ATAD2B: variants seen among roughly 807,000 people sequenced by gnomAD.
ATAD2B encodes the protein ATPase family AAA domain-containing protein 2B.
A neutral mutation model predicts 167.6 loss-of-function variants in ATAD2B; 40 were observed. That is an observed-to-expected ratio of 0.24 (90% CI 0.19 to 0.31). The LOEUF is 0.31. Ranked by LOEUF, ATAD2B falls within the 10% of genes least tolerant of loss-of-function variation. The pLI is 1.00. For synonymous variants in ATAD2B, 579 were observed against 596.5 expected, an observed-to-expected ratio of 0.97 and a Z score of 0.43; for missense variants, 1,242 against 1,757.2, an observed-to-expected ratio of 0.71 and a Z score of 5.24.
chr2:23,724,825 C>T, the ATAD2B span, among the ~76,000 whole-genome samples: 19 of 152,134 alleles, frequency 1.2e-4, 1 homozygote, highest in South Asian at 6.2e-4. Flanking sequence ...GGGCGGATCA[C>T]GAGGTCAGGA....
chr2:23,878,296 G>C (rs1397755832), intron 7 of ATAD2B, among the ~76,000 whole-genome samples: 2 of 151,778 alleles, frequency 1.3e-5, no homozygotes, highest in Non-Finnish European at 2.9e-5. Context: ...AGGAGGCGGA[G>C]GCTGCAGTGA....
chr2:23,731,041 G>C, the ATAD2B span, among the ~76,000 whole-genome samples: 1 of 151,162 alleles, frequency 6.6e-6, no homozygotes, highest in Non-Finnish European at 1.5e-5. Context: ...TGTGTCAATA[G>C]GACTCGGGGC....
intron 1 of ATAD2B, among the ~76,000 whole-genome samples, chr2:23,918,061 A>G (rs781033978): frequency 1.4e-4 from 21 of 151,976 alleles, no homozygotes; most frequent in Non-Finnish European, 2.4e-4. Context: ...AAAAAGAAAA[A>G]AAGAAAAGAA....
intron 1 of ATAD2B, among the ~76,000 whole-genome samples, chr2:23,900,505 C>T (rs984793260): frequency 6.6e-6 from 1 of 152,192 alleles, no homozygotes; most frequent in African/African-American, 2.4e-5. Flanking sequence ...TGTGAACCAA[C>T]AACATGGGCA....
intron 7 of ATAD2B, among the ~76,000 whole-genome samples, chr2:23,878,832 TAAG>T (rs1558716437): frequency 6.6e-6 from 1 of 151,954 alleles, no homozygotes; most frequent in African/African-American, 2.4e-5. Flanking sequence ...AACTCAATAA[TAAG>T]AAAACAAACA....
chr2:23,741,045 A>G, the ATAD2B span, among the ~76,000 whole-genome samples: 1 of 152,192 alleles, frequency 6.6e-6, no homozygotes, highest in Non-Finnish European at 1.5e-5. Flanking sequence ...GCTCAATGAA[A>G]TAAAAGAGGA....
At chr2:23,855,517 T>C (rs993063129) in intron 13 of ATAD2B, among the ~76,000 whole-genome samples, 2 of 152,166 alleles carry the variant, frequency 1.3e-5, no homozygotes, top group African/African-American at 4.8e-5. Context: ...TAAAACCACT[T>C]TGGAAAACAG....
intron 22 of ATAD2B, among the ~76,000 whole-genome samples, chr2:23,771,359 T>A (rs1678295306): frequency 6.6e-6 from 1 of 152,224 alleles, no homozygotes; most frequent in African/African-American, 2.4e-5. Flanking sequence ...AGAGCAGACA[T>A]CCTGGTCATG....
chr2:23,896,184 G>A (rs1280548191), intron 1 of ATAD2B, among the ~76,000 whole-genome samples: 1 of 151,574 alleles, frequency 6.6e-6, no homozygotes, highest in Non-Finnish European at 1.5e-5. Context: ...AGCTGGGTGT[G>A]GTGGCAGGCA....
intron 8 of ATAD2B, among the ~76,000 whole-genome samples, chr2:23,873,900 G>C: frequency 6.6e-6 from 1 of 152,162 alleles, no homozygotes; most frequent in East Asian, 1.9e-4. Flanking sequence ...CAAAATCCTA[G>C]TTGGGGCTGG....
chr2:23,816,586 T>C (rs1400257036), intron 17 of ATAD2B, among the ~76,000 whole-genome samples: 1 of 152,178 alleles, frequency 6.6e-6, no homozygotes, highest in Non-Finnish European at 1.5e-5. Context: ...ACATTATACA[T>C]GCATAGAGAG....
intron 10 of ATAD2B, chr2:23,866,019 G>C (rs1435029302): frequency 3.4e-6 from 2 of 591,150 alleles, no homozygotes; most frequent in Non-Finnish European, 4.3e-6. Flanking sequence ...TAGAAAAAGT[G>C]AAAGTAAACT....
intron 13 of ATAD2B, among the ~76,000 whole-genome samples, chr2:23,847,151 A>G (rs1323968000): frequency 1.5e-5 from 2 of 133,990 alleles, no homozygotes; most frequent in African/African-American, 5.7e-5. Context: ...CGGGCATATC[A>G]CTTGAGCCCA....
chr2:23,753,327 C>G (rs1675574522), intron 27 of ATAD2B, among the ~76,000 whole-genome samples: 2 of 152,086 alleles, frequency 1.3e-5, no homozygotes, highest in African/African-American at 2.4e-5. Flanking sequence ...TCTTTGAGAG[C>G]AGAGACTTTG....
At chr2:23,924,392 G>C (rs191395328) in intron 1 of ATAD2B, among the ~76,000 whole-genome samples, 2 of 152,316 alleles carry the variant, frequency 1.3e-5, no homozygotes, top group Non-Finnish European at 2.9e-5. Context: ...CAGACATAGA[G>C]GGTGTCTTTA....
Position 23,758,111 on chromosome 2 carries a change from A to G in ATAD2B, c.3395-10T>C. On this transcript the variant is annotated splice_polypyrimidine_tract_variant and intron_variant, in intron 24 of 27. Transcript: ENST00000238789. ...TTTCTCCGAACCCGAACTGTTTTAC[A>G]AGGAAGGAAAAAAGATATGTAGAAC... 2 of 1,535,042 alleles carry G rather than the reference A, an allele frequency of 1.3e-6. No individual in the cohort carries two copies. The highest frequency in any genetic ancestry group is 4.5e-5 in the East Asian group (2 of 44,096).
chr2:23,814,212 C>T (rs755886193), intron 17 of ATAD2B, among the ~76,000 whole-genome samples: 21 of 152,118 alleles, frequency 1.4e-4, no homozygotes, highest in South Asian at 2.1e-4. Flanking sequence ...GGGCAAAGGA[C>T]GTAAAACAAG....
chr2:23,803,157 G>A (rs1683765122), intron 18 of ATAD2B, among the ~76,000 whole-genome samples: 1 of 152,028 alleles, frequency 6.6e-6, no homozygotes, highest in Non-Finnish European at 1.5e-5. Context: ...TAATACCAAA[G>A]GTCTTTTACT....
At chr2:23,896,468 AAT>A (rs1164155744) in intron 1 of ATAD2B, among the ~76,000 whole-genome samples, 2 of 152,236 alleles carry the variant, frequency 1.3e-5, no homozygotes, top group African/African-American at 2.4e-5. Context: ...TAATCAGAAA[AAT>A]ATGTTGTTTC....
Sources: allele counts gnomAD v4.1 joint callset (sites outside exome capture counted in the v4.1 genomes callset), GRCh38; gene constraint gnomAD v4.1.1; transcripts MANE v1.5; gene names NCBI Gene and HGNC (gene_info 2026-07-23, HGNC 2026-07-21).